The following RBFOX1 variants were observed in gnomAD, a reference collection of about 807,000 sequenced individuals.
The protein encoded by RBFOX1 is RNA binding protein fox-1 homolog 1.
RBFOX1 carries 8 observed loss-of-function variants against 57.7 expected under a neutral mutation model. The observed-to-expected ratio is 0.14, with a 90% CI of 0.08 to 0.25. RBFOX1 has a LOEUF of 0.25. RBFOX1 is among the 10% of genes least tolerant of loss of function. The probability of loss-of-function intolerance (pLI) is 1.00; values close to 1 mark genes in which losing one functional copy is unlikely to be tolerated. For synonymous variants in RBFOX1, 326 were observed against 222.4 expected (o/e 1.47, Z -4.15); for missense variants, 611 against 548.5 (o/e 1.11, Z -1.14).
chr16:5,617,305 G>A (rs745580633), intron 3 of RBFOX1, among the ~76,000 whole-genome samples: 2 of 152,112 alleles, frequency 1.3e-5, no homozygotes, highest in Admixed American at 1.3e-4. Context: ...GCTGCCCTTC[G>A]GACTAGCCTG....
intron 4 of RBFOX1, among the ~76,000 whole-genome samples, chr16:7,236,414 C>G (rs1475728624): frequency 6.6e-6 from 1 of 152,134 alleles, no homozygotes; most frequent in African/African-American, 2.4e-5. Flanking sequence ...TTGTCACATG[C>G]ACAACATCTG....
chr16:7,573,815 A>T (rs1472673104), intron 5 of RBFOX1, among the ~76,000 whole-genome samples: 1 of 148,144 alleles, frequency 6.8e-6, no homozygotes, highest in East Asian at 2.1e-4. Context: ...AGCCTGGGCA[A>T]CAGAACAAGA....
upstream of RBFOX1, among the ~76,000 whole-genome samples, chr16:6,017,905 C>G (rs1268586740): frequency 6.6e-6 from 1 of 152,158 alleles, no homozygotes; most frequent in Non-Finnish European, 1.5e-5. Flanking sequence ...GGTATAAGTG[C>G]AAACACAGTC....
intron 1 of RBFOX1, among the ~76,000 whole-genome samples, chr16:5,445,891 T>G (rs2068225752): frequency 6.6e-6 from 1 of 152,262 alleles, no homozygotes; most frequent in South Asian, 2.1e-4. Context: ...TTAGTTCTTT[T>G]TCTTTCTTAT....
intron 3 of RBFOX1, among the ~76,000 whole-genome samples, chr16:6,710,117 A>G (rs1423539619): frequency 6.6e-6 from 1 of 152,118 alleles, no homozygotes; most frequent in Admixed American, 6.6e-5. Flanking sequence ...CAAAAATACC[A>G]TGAGTTTTGG....
chr16:6,962,029 A>G (rs1264757709), intron 3 of RBFOX1, among the ~76,000 whole-genome samples: 2 of 152,152 alleles, frequency 1.3e-5, no homozygotes, highest in Admixed American at 6.5e-5. Flanking sequence ...CCCAGCCCCT[A>G]TTCAAGATGG....
At chr16:5,345,413 A>G (rs2065119413) in intron 1 of RBFOX1, among the ~76,000 whole-genome samples, 1 of 152,196 alleles carries the variant, frequency 6.6e-6, no homozygotes, top group Non-Finnish European at 1.5e-5. Flanking sequence ...GCCCTCGTGC[A>G]TGCCCACCCA....
At chr16:6,597,331 C>T (rs184608855) in intron 2 of RBFOX1, among the ~76,000 whole-genome samples, 39 of 152,180 alleles carry the variant, frequency 2.6e-4, no homozygotes, top group Admixed American at 2.2e-3. Flanking sequence ...TCCCTGTCTC[C>T]ATTATCCATC....
chr16:5,481,780 G>T (rs745446624), intron 2 of RBFOX1, among the ~76,000 whole-genome samples: 5 of 152,124 alleles, frequency 3.3e-5, no homozygotes, highest in African/African-American at 1.2e-4. Context: ...CAGCATGTTG[G>T]TTCCTTCTGA....
intron 3 of RBFOX1, among the ~76,000 whole-genome samples, chr16:5,695,003 A>G (rs1332614803): frequency 1.3e-5 from 2 of 152,022 alleles, no homozygotes; most frequent in Non-Finnish European, 2.9e-5. Flanking sequence ...AAGCTACAGA[A>G]TATGGATGAC....
In RBFOX1 at chr16:7,323,453, C is replaced by G. The variant is rs914194502; in HGVS notation, c.28-194694C>G. On this transcript the variant is annotated intron_variant, in intron 4 of 15. Transcript: ENST00000550418. ...AATAAATAAAATAATTTTCTAAAAA[C>G]CCAGGCCACCATTTCTCAGAGTATA... Among the ~76,000 whole-genome samples, 3 of 152,274 alleles carry G rather than the reference C, an allele frequency of 2.0e-5. 1 individual carries two copies. Among genetic ancestry groups the G allele is most frequent in the South Asian group, 4.1e-4 (2 of 4,826 alleles).
In RBFOX1 at chr16:5,962,786, C is replaced by A. The variant is rs74006522; in HGVS notation, c.351+95451C>A. ...ATTGGGTCATTCGCTTTTCAGTAAT[C>A]CAGCAGCTACGGTATGAGAAGTGAG... On this transcript the variant is annotated intron_variant, in intron 4 of 19. Transcript: ENST00000641259. Among the ~76,000 whole-genome samples, 571 of 150,062 alleles carry A rather than the reference C, an allele frequency of 3.8e-3. 2 individuals are homozygous for A. Among genetic ancestry groups the A allele is most frequent in the African/African-American group, 0.013 (545 of 40,812 alleles).
chr16:7,130,222 T>C (rs1469351778), intron 4 of RBFOX1, among the ~76,000 whole-genome samples: 2 of 151,844 alleles, frequency 1.3e-5, no homozygotes, highest in Admixed American at 1.3e-4. Flanking sequence ...TTGGTAGAGG[T>C]GGAGTTTCGC....
chr16:5,750,495 T>C (rs1381528716), intron 3 of RBFOX1, among the ~76,000 whole-genome samples: 1 of 152,242 alleles, frequency 6.6e-6, no homozygotes, highest in Non-Finnish European at 1.5e-5. Flanking sequence ...CAGGCCTCCT[T>C]GAGCTGTGGT....
At chr16:6,802,847 T>G (rs2085815792) in intron 3 of RBFOX1, among the ~76,000 whole-genome samples, 1 of 152,238 alleles carries the variant, frequency 6.6e-6, no homozygotes, top group South Asian at 2.1e-4. Flanking sequence ...TTTTATAAAC[T>G]AACTTAAGTT....
intron 1 of RBFOX1, among the ~76,000 whole-genome samples, chr16:6,080,369 C>T (rs1246684779): frequency 4.6e-5 from 7 of 152,124 alleles, no homozygotes; most frequent in East Asian, 1.9e-4. Context: ...CTAAGTTCAG[C>T]CAGTGTGTGA....
chr16:7,504,739 A>ATATATATATATATATATATATT (rs2072377155), intron 4 of RBFOX1, among the ~76,000 whole-genome samples: 2 of 7,958 alleles, frequency 2.5e-4, no homozygotes, highest in Non-Finnish European at 2.4e-4. Flanking sequence ...ATATATATAT[A>ATATATATATATATATATATATT]TATATATATA....
rs191957583 is a variant in RBFOX1 at position 6,558,163 on chromosome 16, G to A, written c.-63-96440G>A. Among the ~76,000 whole-genome samples, 204 of 152,266 alleles carry A rather than the reference G, an allele frequency of 1.3e-3. 1 individual carries two copies. Among genetic ancestry groups the A allele is most frequent in the African/African-American group, 4.8e-3 (201 of 41,556 alleles). ...AAATATCGGTTGCCCAGAAGCCTGGGAGGAGTGCGATAGAGCTGGAGCGTA... is the reference window on the plus strand; with the variant it reads ...AAATATCGGTTGCCCAGAAGCCTGGAAGGAGTGCGATAGAGCTGGAGCGTA... On this transcript the variant is annotated intron_variant, in intron 2 of 15. Transcript: ENST00000550418.
At chr16:6,759,353 G>A (rs750816248) in intron 3 of RBFOX1, among the ~76,000 whole-genome samples, 1 of 152,032 alleles carries the variant, frequency 6.6e-6, no homozygotes, top group Non-Finnish European at 1.5e-5. Context: ...GTTTAGTCGT[G>A]TTGGCCAGGC....
Sources: allele counts gnomAD v4.1 joint callset (sites outside exome capture counted in the v4.1 genomes callset), GRCh38; gene constraint gnomAD v4.1.1; transcripts MANE v1.5; gene names NCBI Gene and HGNC (gene_info 2026-07-23, HGNC 2026-07-21).